Variants in NEGR1 observed in about 807,000 individuals in gnomAD.
The protein encoded by NEGR1 is neuronal growth regulator 1.
NEGR1 carries 10 observed loss-of-function variants against 40.9 expected under a neutral mutation model. The observed-to-expected ratio is 0.24, with a 90% CI of 0.15 to 0.42. NEGR1 has a LOEUF of 0.42. Among genes scored for constraint, NEGR1 ranks in the 10% least tolerant of loss-of-function variants. The pLI is 1.00. For missense variants in NEGR1, 352 were observed against 438.9 expected (o/e 0.80, Z 1.77); for synonymous variants, 185 against 166.8 (o/e 1.11, Z -0.84).
chr1:71,757,706 G>A (rs1248402892), intron 3 of NEGR1, among the ~76,000 whole-genome samples: 8 of 151,874 alleles, frequency 5.3e-5, no homozygotes, highest in East Asian at 1.9e-4. Context: ...TAAAAATTTT[G>A]TGTCTGGAAA....
chr1:72,186,241 C>T (rs958941681), intron 1 of NEGR1, among the ~76,000 whole-genome samples: 2 of 151,658 alleles, frequency 1.3e-5, no homozygotes, highest in Admixed American at 1.3e-4. Flanking sequence ...ATGCCATTTG[C>T]CAACTTCCAA....
At chr1:71,779,264 A>G (rs1305608492) in intron 2 of NEGR1, among the ~76,000 whole-genome samples, 2 of 152,214 alleles carry the variant, frequency 1.3e-5, no homozygotes, top group African/African-American at 4.8e-5. Context: ...TCCAACTTTT[A>G]CTGACTATCA....
rs563702578 is a variant in NEGR1 at position 71,479,745 on chromosome 1, C to A, written c.941-72175G>T. Among the ~76,000 whole-genome samples, 4 of 151,926 alleles carry A rather than the reference C, an allele frequency of 2.6e-5. No individual in the cohort carries two copies. The South Asian group carries it at 6.2e-4, about 24-fold the overall frequency. The stretch of plus-strand genomic sequence containing the variant: ...AGATCTACTTTAAACTATTTGTATT[C>A]TCTCATTCATGAGAAAATCAGAGCT... On this transcript the variant is annotated intron_variant, in intron 6 of 6. Coordinates refer to ENST00000357731, the MANE Select transcript of NEGR1 (RefSeq NM_173808.3).
intron 6 of NEGR1, among the ~76,000 whole-genome samples, chr1:71,573,147 A>C (rs368415546): frequency 3.0e-4 from 45 of 152,290 alleles, no homozygotes; most frequent in African/African-American, 1.0e-3. Flanking sequence ...TCGATGTTAC[A>C]CTAAGGGAAA....
intron 2 of NEGR1, among the ~76,000 whole-genome samples, chr1:71,837,506 ACATT>A (rs1359348977): frequency 6.6e-6 from 1 of 152,040 alleles, no homozygotes; most frequent in East Asian, 1.9e-4. Flanking sequence ...GATGTTAAAT[ACATT>A]CATTTTTTGT....
At chr1:71,754,541 C>A (rs1019679628) in intron 3 of NEGR1, among the ~76,000 whole-genome samples, 1 of 152,088 alleles carries the variant, frequency 6.6e-6, no homozygotes, top group Non-Finnish European at 1.5e-5. Flanking sequence ...CCATACTATT[C>A]TCTCTCTTAG....
At chr1:71,456,901 A>G (rs1435022901) in intron 6 of NEGR1, among the ~76,000 whole-genome samples, 2 of 152,146 alleles carry the variant, frequency 1.3e-5, no homozygotes, top group African/African-American at 4.8e-5. Flanking sequence ...GTTGGGTGAA[A>G]TGGGATGAAG....
At chr1:72,001,352 AG>A (rs1646556256) in intron 1 of NEGR1, among the ~76,000 whole-genome samples, 1 of 152,074 alleles carries the variant, frequency 6.6e-6, no homozygotes, top group Non-Finnish European at 1.5e-5. Context: ...TTAGACAAGC[AG>A]GCCATTTCAA....
chr1:71,750,202 C>A (rs1157195181), intron 3 of NEGR1, among the ~76,000 whole-genome samples: 1 of 151,824 alleles, frequency 6.6e-6, no homozygotes, highest in African/African-American at 2.4e-5. Context: ...ACCTTGTTAA[C>A]CAGGATGGTC....
intron 1 of NEGR1, among the ~76,000 whole-genome samples, chr1:72,137,241 A>G (rs1282888323): frequency 1.3e-5 from 2 of 152,160 alleles, no homozygotes; most frequent in Non-Finnish European, 2.9e-5. Context: ...CAATCCCATT[A>G]CTGGGTATAT....
intron 2 of NEGR1, among the ~76,000 whole-genome samples, chr1:71,899,759 T>C (rs2101861842): frequency 6.6e-6 from 1 of 152,332 alleles, no homozygotes; most frequent in Middle Eastern, 3.4e-3. Flanking sequence ...ATTTTATTTC[T>C]TCTCATGGCA....
intron 4 of NEGR1, among the ~76,000 whole-genome samples, chr1:71,688,674 C>T (rs934137254): frequency 1.6e-4 from 24 of 151,924 alleles, no homozygotes; most frequent in African/African-American, 4.3e-4. Flanking sequence ...CCAGGCTGGT[C>T]TCGAACTCCT....
intron 6 of NEGR1, among the ~76,000 whole-genome samples, chr1:71,513,789 T>G (rs1036775583): frequency 4.6e-5 from 7 of 151,416 alleles, no homozygotes; most frequent in Admixed American, 4.6e-4. Flanking sequence ...AGACGGGTGA[T>G]TTCTGCATTT....
rs1356584740 is a variant in NEGR1, at chr1:72,218,009, A to G, written c.176+64310T>C. ...GTTTTAATTAATAATATTTTAATTG[A>G]AGAAATTCTTTATACAGTAAAACTT... is the stretch of plus-strand genomic sequence containing the variant. On this transcript the variant is annotated intron_variant, in intron 1 of 6. Coordinates refer to ENST00000357731, the MANE Select transcript of NEGR1 (RefSeq NM_173808.3). Among the ~76,000 whole-genome samples the G allele has an allele frequency of 4.0e-5, 6 of 151,896 alleles. No individual in the cohort carries two copies. The South Asian group carries it at 8.3e-4, about 21-fold the overall frequency.
At chr1:71,773,817 C>A (rs1656410486) in intron 3 of NEGR1, among the ~76,000 whole-genome samples, 1 of 152,130 alleles carries the variant, frequency 6.6e-6, no homozygotes. Context: ...CTTTCAGTTT[C>A]ATGATGTTAT....
chr1:71,682,283 T>C (rs1652865117), intron 4 of NEGR1, among the ~76,000 whole-genome samples: 1 of 152,202 alleles, frequency 6.6e-6, no homozygotes, highest in African/African-American at 2.4e-5. Context: ...GGAATTTTCA[T>C]TCAAAATTGC....
chr1:72,202,682 G>C (rs1653258638), intron 1 of NEGR1, among the ~76,000 whole-genome samples: 1 of 151,986 alleles, frequency 6.6e-6, no homozygotes, highest in South Asian at 2.1e-4. Flanking sequence ...GGCTAGGAGA[G>C]GTGAAGAATG....
At chr1:71,504,442 T>G (rs1207894299) in intron 6 of NEGR1, among the ~76,000 whole-genome samples, 1 of 151,348 alleles carries the variant, frequency 6.6e-6, no homozygotes, top group Non-Finnish European at 1.5e-5. Flanking sequence ...AGAAGAGAAA[T>G]GCAAGGAAAA....
At chr1:71,412,754 T>C (rs1355630340) in intron 6 of NEGR1, among the ~76,000 whole-genome samples, 1 of 151,964 alleles carries the variant, frequency 6.6e-6, no homozygotes, top group Non-Finnish European at 1.5e-5. Flanking sequence ...AAAGTTTAAA[T>C]TGAGAACAAG....
Sources: gnomAD v4.1 joint callset for allele counts (sites outside exome capture counted in the v4.1 genomes callset) on GRCh38, gnomAD v4.1.1 for gene constraint, MANE v1.5 for transcripts, NCBI Gene and HGNC (gene_info 2026-07-23, HGNC 2026-07-21) for gene names.